Variants in PIK3AP1 observed in about 807,000 individuals in gnomAD.
PIK3AP1 encodes phosphoinositide 3-kinase adapter protein 1.
PIK3AP1 carries 21 observed loss-of-function variants against 88.1 expected under a neutral mutation model. That is an observed-to-expected ratio of 0.24 (90% CI 0.17 to 0.34). The LOEUF (loss-of-function observed/expected upper bound fraction) is 0.34, where lower values mean the gene tolerates loss of function less well. Among genes scored for constraint, PIK3AP1 ranks in the 10% least tolerant of loss-of-function variants. The pLI, the probability that PIK3AP1 is intolerant of heterozygous loss-of-function variation, is 1.00. For synonymous variants in PIK3AP1, 398 were observed against 400.0 expected, an observed-to-expected ratio of 1.00 and a Z score of 0.06; for missense variants, 828 against 1,035.7, an observed-to-expected ratio of 0.80 and a Z score of 2.75.
intron 2 of PIK3AP1, among the ~76,000 whole-genome samples, chr10:96,679,766 T>C (rs1284151196): frequency 6.6e-6 from 1 of 152,136 alleles, no homozygotes; most frequent in Non-Finnish European, 1.5e-5. Context: ...TATTCTACCA[T>C]CTTCAGCACA....
intron 1 of PIK3AP1, among the ~76,000 whole-genome samples, chr10:96,710,875 C>T (rs1448641189): frequency 1.3e-5 from 2 of 152,178 alleles, no homozygotes; most frequent in Non-Finnish European, 2.9e-5. Flanking sequence ...CTGCTAAGCA[C>T]AGTGCTTGTC....
intron 3 of PIK3AP1, among the ~76,000 whole-genome samples, chr10:96,655,338 T>C (rs1021484451): frequency 6.6e-6 from 1 of 152,134 alleles, no homozygotes; most frequent in Non-Finnish European, 1.5e-5. Context: ...ACCTCGTCTC[T>C]ACTAAAAATA....
At chr10:96,623,901 A>C (rs989964198) in intron 10 of PIK3AP1, among the ~76,000 whole-genome samples, 3 of 152,268 alleles carry the variant, frequency 2.0e-5, no homozygotes, top group African/African-American at 7.2e-5. Flanking sequence ...AGCTAGTGCC[A>C]TAAGACAGAA....
intron 2 of PIK3AP1, among the ~76,000 whole-genome samples, chr10:96,691,327 C>A (rs1231330510): frequency 6.6e-6 from 1 of 152,100 alleles, no homozygotes; most frequent in Non-Finnish European, 1.5e-5. Context: ...GGCCACTGTT[C>A]GCAAGGGAAA....
intron 2 of PIK3AP1, among the ~76,000 whole-genome samples, chr10:96,685,155 G>T (rs1327659875): frequency 1.3e-5 from 2 of 152,212 alleles, no homozygotes. Context: ...TTCAGCTTAT[G>T]AGTTATTTAT....
intron 2 of PIK3AP1, among the ~76,000 whole-genome samples, chr10:96,702,455 C>T (rs969275360): frequency 3.3e-5 from 5 of 150,344 alleles, no homozygotes; most frequent in Admixed American, 6.6e-5. Context: ...GCCGAGATCA[C>T]GCCACTGCAC....
rs1229633472 is a variant in PIK3AP1, at chr10:96,637,951, G to A, written c.1375+7522C>T. ...TCTCCCCTTGGGTTCTCAGGCTTTC[G>A]AGCTCAGACTGAGAGTTACACAATC... On this transcript the variant is annotated intron_variant, in intron 8 of 16. Coordinates refer to ENST00000339364, the MANE Select transcript of PIK3AP1 (RefSeq NM_152309.3). Among the ~76,000 whole-genome samples the A allele has an allele frequency of 4.2e-4, 64 of 152,166 alleles. 1 individual carries two copies. The highest frequency in any genetic ancestry group is 4.1e-3 in the Admixed American group (63 of 15,286).
intron 2 of PIK3AP1, among the ~76,000 whole-genome samples, chr10:96,709,333 A>G (rs529197359): frequency 1.3e-4 from 20 of 152,092 alleles, no homozygotes; most frequent in African/African-American, 3.6e-4. Context: ...TTCTAGAAAG[A>G]AGGCCTTTGC....
At chr10:96,648,971 A>G in intron 6 of PIK3AP1, 116 bp from the exon 7 acceptor site, 1 of 814,968 alleles carries the variant, frequency 1.2e-6, no homozygotes, top group Non-Finnish European at 1.8e-6. Context: ...CTCAGCCATT[A>G]CTTATTGATT....
chr10:96,653,110 A>G (rs1173231559), intron 3 of PIK3AP1, among the ~76,000 whole-genome samples: 1 of 152,020 alleles, frequency 6.6e-6, no homozygotes, highest in Non-Finnish European at 1.5e-5. Flanking sequence ...AACAATAATA[A>G]TAATAATAAA....
rs966726066 is a variant in PIK3AP1 at position 96,720,190 on chromosome 10, C to A, written c.13+192G>T. Among the ~76,000 whole-genome samples the A allele has an allele frequency of 2.0e-5, 3 of 152,164 alleles. No homozygotes were observed. The highest frequency in any genetic ancestry group is 6.5e-5 in the Admixed American group (1 of 15,282). ...GCAGGGGCTGAAGAGAATCGCGCCACAGGCTGGGACGGGAAACGTGGGAAA... is the reference window on the plus strand; with the variant it reads ...GCAGGGGCTGAAGAGAATCGCGCCAAAGGCTGGGACGGGAAACGTGGGAAA... On this transcript the variant is annotated intron_variant, in intron 1 of 16. Coordinates refer to ENST00000339364, the MANE Select transcript of PIK3AP1 (RefSeq NM_152309.3). This position sits in a 1 kb window ranked among gnomAD's most constrained non-coding sequence, Gnocchi z 4.6.
chr10:96,603,665 ACTT>A (rs35902089), intron 15 of PIK3AP1: 104,115 of 162,178 alleles, frequency 0.64, 33,156 homozygotes, highest in East Asian at 0.84. Flanking sequence ...AGTTAATACT[ACTT>A]AATACACACA....
At chr10:96,665,063 A>G (rs1843743223) in intron 2 of PIK3AP1, among the ~76,000 whole-genome samples, 1 of 152,160 alleles carries the variant, frequency 6.6e-6, no homozygotes, top group Non-Finnish European at 1.5e-5. Flanking sequence ...CTCGAATAAT[A>G]ATGTTTGAGC....
At chr10:96,694,731 G>T (rs1242482309) in intron 2 of PIK3AP1, among the ~76,000 whole-genome samples, 2 of 151,804 alleles carry the variant, frequency 1.3e-5, no homozygotes, top group Non-Finnish European at 2.9e-5. Context: ...AGAGATGGAG[G>T]TCTTGCTATA....
chr10:96,709,457 AGG>A (rs1589550674), intron 2 of PIK3AP1, 108 bp downstream of exon 2: 2 of 1,307,606 alleles, frequency 1.5e-6, no homozygotes, highest in Non-Finnish European at 1.1e-6. Flanking sequence ...AAATATGACC[AGG>A]TCTCTTAACA....
intron 14 of PIK3AP1, among the ~76,000 whole-genome samples, chr10:96,605,808 G>A (rs1300272105): frequency 2.0e-5 from 3 of 152,122 alleles, no homozygotes; most frequent in Admixed American, 6.5e-5. Flanking sequence ...AACATGAGCC[G>A]GGTGCGGTGG....
Position 96,625,267 on chromosome 10 carries a change from G to C in PIK3AP1, c.1669+1441C>G, listed in dbSNP as rs138339302. ...TTTCAACCTGTCCTATAAGAGGGCA[G>C]AGAAGGTGCCAGGTGCCAGAGGAAG... On this transcript the variant is annotated intron_variant, in intron 10 of 16. Transcript: ENST00000339364. 5.9e-5 allele frequency among the ~76,000 whole-genome samples: 9 copies of C among 152,326 alleles called. No homozygotes were observed. The East Asian group carries it at 1.7e-3, about 29-fold the overall frequency.
intron 2 of PIK3AP1, chr10:96,700,802 C>T (rs954862014): frequency 1.0e-6 from 1 of 985,588 alleles, no homozygotes; most frequent in South Asian, 4.7e-5. Flanking sequence ...CCATGACTTA[C>T]CATCTGCGAG....
chr10:96,693,898 A>G (rs1032434605), intron 2 of PIK3AP1, among the ~76,000 whole-genome samples: 1 of 152,230 alleles, frequency 6.6e-6, no homozygotes, highest in Non-Finnish European at 1.5e-5. Context: ...AAGCTACTCT[A>G]AAAGTTTAGA....
Sources: gnomAD v4.1 joint callset for allele counts (sites outside exome capture counted in the v4.1 genomes callset) on GRCh38, gnomAD v4.1.1 for gene constraint, Gnocchi (gnomAD v3.1) non-coding constraint, MANE v1.5 for transcripts, NCBI Gene and HGNC (gene_info 2026-07-23, HGNC 2026-07-21) for gene names.